The following DLGAP2 variants were observed in gnomAD, a reference collection of about 807,000 sequenced individuals.
DLGAP2 encodes the protein disks large-associated protein 2.
A neutral mutation model predicts 100.3 loss-of-function variants in DLGAP2; 26 were observed. That is an observed-to-expected ratio of 0.26 (90% CI 0.19 to 0.36). DLGAP2 has a LOEUF of 0.36. Ranked by LOEUF, DLGAP2 falls within the 10% of genes least tolerant of loss-of-function variation. DLGAP2 has a pLI of 1.00. For synonymous variants in DLGAP2, 886 were observed against 630.1 expected (o/e 1.41, Z -6.08); for missense variants, 1,858 against 1,453.2 (o/e 1.28, Z -4.53).
At chr8:1,333,553 G>T (rs1446362674) in intron 3 of DLGAP2, among the ~76,000 whole-genome samples, 1 of 152,130 alleles carries the variant, frequency 6.6e-6, no homozygotes, top group African/African-American at 2.4e-5. Flanking sequence ...TGCAGGGTTT[G>T]TTCATCCGGA....
At chr8:1,671,637 T>C (rs1798693260) in intron 10 of DLGAP2, among the ~76,000 whole-genome samples, 1 of 152,236 alleles carries the variant, frequency 6.6e-6, no homozygotes, top group South Asian at 2.1e-4. Context: ...ATTACTGGGC[T>C]ACGTCTAACG....
chr8:749,522 A>C (rs2132570660), intron 1 of DLGAP2, among the ~76,000 whole-genome samples: 1 of 152,224 alleles, frequency 6.6e-6, no homozygotes, highest in Middle Eastern at 3.4e-3. Context: ...TCCTTTTATA[A>C]GTTAATTTTC....
intron 3 of DLGAP2, chr8:1,302,335 C>G (rs1015915622): frequency 1.9e-5 from 2 of 107,694 alleles, no homozygotes; most frequent in Admixed American, 1.9e-4. Flanking sequence ...TGCTCCACAC[C>G]TGGGACCGGA....
intron 1 of DLGAP2, among the ~76,000 whole-genome samples, chr8:837,779 C>T (rs926342251): frequency 5.3e-5 from 8 of 150,170 alleles, no homozygotes; most frequent in Non-Finnish European, 5.9e-5. Context: ...TGCAGTGGTG[C>T]GATCTCAGCT....
chr8:1,506,692 G>A (rs756140694), intron 4 of DLGAP2, among the ~76,000 whole-genome samples: 1 of 152,172 alleles, frequency 6.6e-6, no homozygotes. Flanking sequence ...ATTTTACAGA[G>A]AGCTGATTGG....
At chr8:1,219,179 G>A (rs1203584382) in intron 2 of DLGAP2, among the ~76,000 whole-genome samples, 1 of 152,140 alleles carries the variant, frequency 6.6e-6, no homozygotes, top group African/African-American at 2.4e-5. Context: ...TAGTGTGAGA[G>A]GGCATTCTTG....
At chr8:1,579,304 C>T (rs1017943637) in intron 6 of DLGAP2, among the ~76,000 whole-genome samples, 2 of 151,874 alleles carry the variant, frequency 1.3e-5, no homozygotes, top group Non-Finnish European at 2.9e-5. Context: ...GCATTAAAAT[C>T]GTATATATAC....
chr8:857,913 C>T (rs573890892), intron 1 of DLGAP2, among the ~76,000 whole-genome samples: 1 of 151,984 alleles, frequency 6.6e-6, no homozygotes, highest in African/African-American at 2.4e-5. Flanking sequence ...TCTTGTTGCC[C>T]AGGCTGGAGT....
intron 3 of DLGAP2, among the ~76,000 whole-genome samples, chr8:1,268,000 TATG>T (rs1799503597): frequency 2.0e-5 from 3 of 152,222 alleles, no homozygotes; most frequent in Non-Finnish European, 4.4e-5. Context: ...AGCTATTCAA[TATG>T]ATAAGATAGA....
rs138889958 is a variant in DLGAP2, at chr8:1,587,383, G to C, written c.1442+21489G>C. Among the ~76,000 whole-genome samples the C allele has an allele frequency of 3.7e-3, 560 of 152,058 alleles. 2 individuals are homozygous for C. The highest frequency in any genetic ancestry group is 0.013 in the African/African-American group (521 of 41,458). ...GAGGCCAGAGAGGAACTGGCTCTTGGGTGGATTTATACATTTTCAGTTGTT... is the reference window on the plus strand; with the variant it reads ...GAGGCCAGAGAGGAACTGGCTCTTGCGTGGATTTATACATTTTCAGTTGTT... On this transcript the variant is annotated intron_variant, in intron 6 of 14. Transcript: ENST00000637795.
chr8:1,500,089 T>C (rs1258597106), intron 3 of DLGAP2, among the ~76,000 whole-genome samples: 1 of 152,250 alleles, frequency 6.6e-6, no homozygotes, highest in East Asian at 1.9e-4. Flanking sequence ...CATGCAATCA[T>C]ATTTATATTT....
intron 2 of DLGAP2, among the ~76,000 whole-genome samples, chr8:926,398 CT>C (rs991338279): frequency 1.3e-5 from 2 of 152,214 alleles, no homozygotes; most frequent in Non-Finnish European, 2.9e-5. Flanking sequence ...GGCCCTGGCC[CT>C]GTGGCAGGCC....
chr8:1,454,932 C>A (rs917964762), intron 3 of DLGAP2, among the ~76,000 whole-genome samples: 2 of 152,186 alleles, frequency 1.3e-5, no homozygotes, highest in Admixed American at 6.5e-5. Context: ...AGAACAGCCA[C>A]CTCTGAGCTT....
intron 6 of DLGAP2, among the ~76,000 whole-genome samples, chr8:1,600,092 G>T (rs895454826): frequency 2.0e-5 from 3 of 152,130 alleles, no homozygotes; most frequent in African/African-American, 7.2e-5. Context: ...CCCAGCATTT[G>T]CTTGTGTGTA....
At chr8:1,165,640 G>A (rs1797000637) in intron 2 of DLGAP2, among the ~76,000 whole-genome samples, 1 of 152,200 alleles carries the variant, frequency 6.6e-6, no homozygotes, top group Admixed American at 6.5e-5. Flanking sequence ...ACTGTTACAT[G>A]ATTTTCGTCT....
chr8:997,415 T>G (rs187881515), intron 2 of DLGAP2, among the ~76,000 whole-genome samples: 1 of 152,194 alleles, frequency 6.6e-6, no homozygotes, highest in African/African-American at 2.4e-5. Context: ...ACACATGTTA[T>G]AAGACATTGA....
intron 2 of DLGAP2, among the ~76,000 whole-genome samples, chr8:1,111,072 C>CA (rs1322911471): frequency 1.3e-5 from 2 of 152,206 alleles, no homozygotes; most frequent in African/African-American, 4.8e-5. Context: ...GCCACAGTGC[C>CA]CGACTCCGGG....
chr8:1,122,445 A>C (rs190974428), intron 2 of DLGAP2, among the ~76,000 whole-genome samples: 93 of 152,326 alleles, frequency 6.1e-4, no homozygotes, highest in Admixed American at 8.5e-4. Context: ...TGTTACTGCC[A>C]TCCAGAGCTG....
At chr8:1,634,113 A>G (rs1797714224) in intron 8 of DLGAP2, among the ~76,000 whole-genome samples, 1 of 152,268 alleles carries the variant, frequency 6.6e-6, no homozygotes, top group South Asian at 2.1e-4. Context: ...AACTGTGTTC[A>G]AACCGTGTTC....
Sources: gnomAD v4.1 joint callset for allele counts (sites outside exome capture counted in the v4.1 genomes callset) on GRCh38, gnomAD v4.1.1 for gene constraint, MANE v1.5 for transcripts, NCBI Gene and HGNC (gene_info 2026-07-23, HGNC 2026-07-21) for gene names.